Variants in PCDHGB2 observed in about 807,000 individuals in gnomAD.
The protein encoded by PCDHGB2 is protocadherin gamma-B2.
A neutral mutation model predicts 59.3 loss-of-function variants in PCDHGB2; 55 were observed. The observed-to-expected ratio is 0.93, with a 90% CI of 0.75 to 1.16. The LOEUF (loss-of-function observed/expected upper bound fraction) is 1.16. Among genes scored for constraint, PCDHGB2 ranks in the 50% most tolerant of loss-of-function variants. PCDHGB2 has a pLI of 0.00. For missense variants in PCDHGB2, 1,228 were observed against 1,198.5 expected (o/e 1.02, Z -0.36); for synonymous variants, 516 against 512.0 (o/e 1.01, Z -0.11).
chr5:141,490,908 C>T lies in PCDHGB2; in HGVS notation c.2422-3899C>T, dbSNP rs201078924. On this transcript the variant is annotated intron_variant, in intron 1 of 3. Coordinates refer to ENST00000522605, the MANE Select transcript of PCDHGB2 (RefSeq NM_018923.3). This position sits in a 1 kb window ranked among gnomAD's most constrained non-coding sequence, Gnocchi z 5.4. The stretch of plus-strand genomic sequence containing the variant: ...CATCTCTGCATGTGTTTGTCCTAGA[C>T]GAGAATGATAATGCCCCAGCTGTGC... 42 of 1,613,710 alleles carry T rather than the reference C, an allele frequency of 2.6e-5. No homozygotes were observed. The highest frequency in any genetic ancestry group is 8.3e-5 in the Admixed American group (5 of 60,018).
rs762418103 is a variant in PCDHGB2 at position 141,364,738 on chromosome 5, A to G, written c.2421+2182A>G. Reference sequence around the variant, plus strand: ...ATAACTTCCCGCGTTTCCGGGATGAAGAGTTAAAAGTAAAAGTTAATGAAA... The same window carrying G: ...ATAACTTCCCGCGTTTCCGGGATGAGGAGTTAAAAGTAAAAGTTAATGAAA... On this transcript the variant is annotated intron_variant, in intron 1 of 3. Transcript: ENST00000522605. The G allele has an allele frequency of 3.1e-6, 5 of 1,613,948 alleles. 1 individual carries two copies. In the South Asian group the frequency reaches 5.5e-5, roughly 18 times the overall value.
intron 1 of PCDHGB2, among the ~76,000 whole-genome samples, chr5:141,436,521 C>T (rs2097829891): frequency 6.6e-6 from 1 of 152,086 alleles, no homozygotes; most frequent in African/African-American, 2.4e-5. Flanking sequence ...AACTGTGTCA[C>T]CTTTAGCAAG....
At chr5:141,433,273 A>T in intron 1 of PCDHGB2, 1 of 1,258,988 alleles carries the variant, frequency 7.9e-7, no homozygotes. Flanking sequence ...AGCTCACTGC[A>T]GCCTCAAACT....
chr5:141,415,740 G>GTTTTTTTTTTT (rs57426385), intron 1 of PCDHGB2: 102 of 625,036 alleles, frequency 1.6e-4, no homozygotes, highest in Admixed American at 2.1e-4. Context: ...GTTTATTAAG[G>GTTTTTTTTTTT]TTTTTTTTTT....
chr5:141,476,727 G>A lies in PCDHGB2; in HGVS notation c.2422-18080G>A, dbSNP rs762236731. On this transcript the variant is annotated intron_variant, in intron 1 of 3. Coordinates refer to ENST00000522605, the MANE Select transcript of PCDHGB2 (RefSeq NM_018923.3). This position sits in a 1 kb window ranked among gnomAD's most constrained non-coding sequence, Gnocchi z 7.6. ...CTGGTGTTGGAGCGCGCCCTGGACC[G>A]AGAACGGGAGCCTAGTCTCCAGTTA... 5 of 1,614,108 alleles carry A rather than the reference G, an allele frequency of 3.1e-6. No individual in the cohort carries two copies. Among genetic ancestry groups the A allele is most frequent in the Non-Finnish European group, 4.2e-6 (5 of 1,180,032 alleles).
intron 1 of PCDHGB2, chr5:141,375,163 A>C (rs1313060581): frequency 1.2e-6 from 2 of 1,613,774 alleles, no homozygotes; most frequent in South Asian, 2.2e-5. Flanking sequence ...CTGAAAGTGC[A>C]CCTCCAGGAA....
chr5:141,475,486 T>G (rs576743657), intron 1 of PCDHGB2, among the ~76,000 whole-genome samples: 1 of 152,252 alleles, frequency 6.6e-6, no homozygotes, highest in Non-Finnish European at 1.5e-5. Flanking sequence ...TGGTAAGAGA[T>G]AAAACTGAAA....
chr5:141,372,461 GTTTCACC>G, intron 1 of PCDHGB2: 1 of 1,614,040 alleles, frequency 6.2e-7, no homozygotes, highest in South Asian at 1.1e-5. Context: ...CGGAGCTACA[GTTTCACC>G]TAGTAGTGGC....
Position 141,360,020 on chromosome 5 carries a change from G to T in PCDHGB2, c.-116G>T. The T allele has an allele frequency of 4.6e-6, 6 of 1,294,416 alleles. No individual in the cohort carries two copies. The South Asian group carries it at 9.7e-5, about 21-fold the overall frequency. 80.2% of individuals were successfully genotyped at this position (1,294,416 alleles called of 1,614,324 possible). On this transcript the variant is annotated 5_prime_UTR_variant, in exon 1 of 4. Transcript: ENST00000522605. ...TGCACAAACCAACCACACAGAGAAGGCCAGTATAGATTCGGAAACAGAAAA... is the reference window on the plus strand; with the variant it reads ...TGCACAAACCAACCACACAGAGAAGTCCAGTATAGATTCGGAAACAGAAAA...
chr5:141,385,150 C>A (rs1780929292), intron 1 of PCDHGB2: 1 of 1,614,104 alleles, frequency 6.2e-7, no homozygotes, highest in South Asian at 1.1e-5. Flanking sequence ...GGCTTTCCTG[C>A]AGACCTATTC....
rs1287127604 is a variant in PCDHGB2 at position 141,360,154 on chromosome 5, A to G, written c.19A>G (p.Arg7Gly). Residue 7 changes from arginine to glycine, a missense_variant, in exon 1 of 4, where the codon AGG becomes GGG. Physicochemically the swap from Arg to Gly is moderately radical, Grantham distance 125. Around this residue, in one of 3 missense-constraint regions of PCDHGB2, gnomAD observed 781 missense variants for 721.6 expected, o/e 1.08. Transcript: ENST00000522605. MKASSG[R>G]CGLVRWLQVL... ...CCAGAAGATGAAAGCGAGCTCAGGG[A>G]GGTGCGGGCTGGTGCGGTGGCTGCA... 1 of 1,603,902 alleles carries G rather than the reference A, an allele frequency of 6.2e-7. No individual in the cohort carries two copies. Among genetic ancestry groups the G allele is most frequent in the South Asian group, 1.1e-5 (1 of 89,642 alleles).
At chr5:141,390,349 T>C in intron 1 of PCDHGB2, 1 of 1,568,926 alleles carries the variant, frequency 6.4e-7, no homozygotes, top group South Asian at 1.2e-5. Flanking sequence ...CAAGAAAATA[T>C]ACATATTTGC....
chr5:141,402,857 A>G, intron 1 of PCDHGB2: 2 of 1,425,270 alleles, frequency 1.4e-6, no homozygotes, highest in Non-Finnish European at 1.8e-6. Context: ...CTTTCTTCTA[A>G]GGAAAAGATC....
intron 1 of PCDHGB2, chr5:141,419,197 T>A (rs560134083): frequency 6.2e-7 from 1 of 1,613,966 alleles, no homozygotes; most frequent in East Asian, 2.2e-5. Flanking sequence ...CTGACGTCAA[T>A]GACAACGCGC....
At chr5:141,365,972 C>A (rs1287343424) in intron 1 of PCDHGB2, 1 of 1,614,232 alleles carries the variant, frequency 6.2e-7, no homozygotes, top group Admixed American at 1.7e-5. Context: ...CAACGTGTCG[C>A]TGAGCCTGTT....
At chr5:141,496,838 T>C (rs182118142) in intron 2 of PCDHGB2, among the ~76,000 whole-genome samples, 39 of 150,790 alleles carry the variant, frequency 2.6e-4, no homozygotes, top group African/African-American at 8.3e-4. Flanking sequence ...CCAGAACTCA[T>C]AGGCTTCCAG....
At chr5:141,462,990 A>G (rs181384059) in intron 1 of PCDHGB2, among the ~76,000 whole-genome samples, 1 of 152,126 alleles carries the variant, frequency 6.6e-6, no homozygotes, top group Non-Finnish European at 1.5e-5. Flanking sequence ...GCCTTGGGCT[A>G]ATTTAGACCT....
Position 141,502,485 on chromosome 5 carries a change from G to A in PCDHGB2, c.2481-2908G>A, listed in dbSNP as rs187600890. ...AATACTTCCCGCAGCATCACACTGG[G>A]ACTCATCTAACGTCGGCCTGTCCCA... On this transcript the variant is annotated intron_variant, in intron 2 of 3. Coordinates refer to ENST00000522605, the MANE Select transcript of PCDHGB2 (RefSeq NM_018923.3). 8.4e-3 allele frequency among the ~76,000 whole-genome samples: 1,276 copies of A among 152,270 alleles called. 22 individuals carry two copies. Among genetic ancestry groups the A allele is most frequent in the African/African-American group, 0.028 (1,151 of 41,542 alleles).
intron 1 of PCDHGB2, among the ~76,000 whole-genome samples, chr5:141,465,368 A>C (rs940928815): frequency 1.3e-5 from 2 of 152,114 alleles, no homozygotes; most frequent in Admixed American, 6.6e-5. Flanking sequence ...TGCCCTTTAA[A>C]GTTGTAAGAT....
Sources: gnomAD v4.1 joint callset for allele counts (sites outside exome capture counted in the v4.1 genomes callset) on GRCh38, gnomAD v4.1.1 for gene constraint, gnomAD v4.1.1 regional missense constraint, Gnocchi (gnomAD v3.1) non-coding constraint, MANE v1.5 for transcripts, NCBI Gene and HGNC (gene_info 2026-07-23, HGNC 2026-07-21) for gene names.